The following PROS1 variants were observed in gnomAD, a reference collection of about 807,000 sequenced individuals.
PROS1 encodes protein S, also known as vitamin K-dependent protein S.
PROS1 carries 29 observed loss-of-function variants against 75.9 expected under a neutral mutation model. That is an observed-to-expected ratio of 0.38 (90% confidence interval 0.28 to 0.52). The LOEUF is 0.52. Ranked by LOEUF, PROS1 falls within the 20% of genes least tolerant of loss-of-function variation. PROS1 has a pLI of 0.83. For synonymous variants in PROS1, 245 were observed against 280.6 expected (o/e 0.87, Z 1.27); for missense variants, 680 against 810.3 (o/e 0.84, Z 1.95).
intron 4 of PROS1, among the ~76,000 whole-genome samples, chr3:93,908,687 C>T (rs1708711977): frequency 6.6e-6 from 1 of 152,170 alleles, no homozygotes; most frequent in Admixed American, 6.5e-5. Context: ...GTACAAATGG[C>T]ATCAGGTGGA....
chr3:93,927,937 A>G (rs1419292867), intron 1 of PROS1, among the ~76,000 whole-genome samples: 2 of 136,514 alleles, frequency 1.5e-5, no homozygotes, highest in African/African-American at 2.7e-5. Flanking sequence ...GTATATATAT[A>G]TGTATATATA....
chr3:93,915,226 G>C (rs1489584685), intron 3 of PROS1, among the ~76,000 whole-genome samples: 2 of 152,142 alleles, frequency 1.3e-5, no homozygotes, highest in East Asian at 3.9e-4. Flanking sequence ...CAGCTCTTTG[G>C]GAGGCTGAGG....
chr3:93,883,455 A>T (rs542031376), intron 12 of PROS1, among the ~76,000 whole-genome samples: 3 of 151,936 alleles, frequency 2.0e-5, no homozygotes, highest in Non-Finnish European at 2.9e-5. Flanking sequence ...TTAGCAGGGC[A>T]TGGTGGCGCA....
At position 93,876,971 on chromosome 3, in the gene PROS1, A is replaced by G. The variant is rs2107124933; in HGVS notation, c.1865T>C (p.Leu622Pro). The change falls in exon 14 of 15, where the codon CTT becomes CCT. Residue 622 changes from leucine (L) to proline (P), a missense_variant. By Grantham distance (98) the Leu-to-Pro change is moderately conservative. Transcript: ENST00000394236. ...KAKVATYLGGLPDVPFSATPV... is the reference protein window; with the variant it reads ...KAKVATYLGGPPDVPFSATPV... ...AAGAAAAAGTAAGCAGATACCTGGA[A>G]GGCCACCCAGGTATGTGGCCACTTT... 1 of 1,594,520 alleles carries G rather than the reference A, an allele frequency of 6.3e-7. No homozygotes were observed.
chr3:93,900,763 C>T (rs768119893), intron 7 of PROS1, 41 bp downstream of exon 7: 2 of 1,611,174 alleles, frequency 1.2e-6, no homozygotes, highest in South Asian at 1.1e-5. Context: ...GGTTCACACC[C>T]ACCCTCTCCA....
intron 1 of PROS1, among the ~76,000 whole-genome samples, chr3:93,930,634 C>T (rs1281838046): frequency 6.6e-6 from 1 of 152,178 alleles, no homozygotes. Context: ...TGTAATAACA[C>T]ATACTGTATT....
At chr3:93,906,712 G>C (rs925145509) in intron 4 of PROS1, among the ~76,000 whole-genome samples, 4 of 152,222 alleles carry the variant, frequency 2.6e-5, no homozygotes, top group African/African-American at 9.6e-5. Context: ...GGGCATCTCT[G>C]TACTCTTGAG....
At chr3:93,925,780 GC>G (rs1370683595) in intron 2 of PROS1, among the ~76,000 whole-genome samples, 2 of 145,462 alleles carry the variant, frequency 1.4e-5, no homozygotes, top group African/African-American at 2.5e-5. Context: ...CCATGATCAT[GC>G]CACTGCACTC....
rs1446117403 is a variant in PROS1 at position 93,898,646 on chromosome 3, G to C, written c.728-77C>G. ...AATCTTATAGGCAGAGGAATATTATGATTGTAGTATGATATAATCAATGAT... is the reference window on the plus strand; with the variant it reads ...AATCTTATAGGCAGAGGAATATTATCATTGTAGTATGATATAATCAATGAT... On this transcript the variant is annotated intron_variant, in intron 7 of 14. Coordinates refer to ENST00000394236, the MANE Select transcript of PROS1 (RefSeq NM_000313.4). 10 of 1,520,098 alleles carry C rather than the reference G, an allele frequency of 6.6e-6. No individual in the cohort carries two copies. The African/African-American group carries it at 6.9e-5, about 10-fold the overall frequency. 94.2% of individuals were successfully genotyped at this position (1,520,098 alleles called of 1,614,324 possible). A position where few individuals can be genotyped will look rare whatever the true frequency, so the allele number is the denominator to read the frequency against.
intron 2 of PROS1, among the ~76,000 whole-genome samples, chr3:93,924,467 A>C (rs542775061): frequency 6.6e-6 from 1 of 152,258 alleles, no homozygotes; most frequent in Non-Finnish European, 1.5e-5. Flanking sequence ...GCTTAAAGAA[A>C]TATTGATCAA....
chr3:93,905,570 A>T (rs1192350373), intron 6 of PROS1, among the ~76,000 whole-genome samples: 2 of 152,186 alleles, frequency 1.3e-5, no homozygotes, highest in Non-Finnish European at 2.9e-5. Flanking sequence ...GAGCCACTCT[A>T]CTCCAGTCTG....
rs1432369638 is a variant in PROS1 at position 93,916,744 on chromosome 3, C to A, written c.260-6039G>T. Among the ~76,000 whole-genome samples, 4 of 152,116 alleles carry A rather than the reference C, an allele frequency of 2.6e-5. No homozygotes were observed. The South Asian group carries it at 6.2e-4, about 24-fold the overall frequency. On this transcript the variant is annotated intron_variant, in intron 3 of 14. Transcript: ENST00000394236. The stretch of plus-strand genomic sequence containing the variant: ...CAGGAGAGAAAGGCTAAGAAACAGA[C>A]CCTTTCAAGAGAGGTTCTGGTGGTC...
chr3:93,973,522 C>A (rs1385606398), intron 1 of PROS1, 152 bp downstream of exon 1: 2 of 765,154 alleles, frequency 2.6e-6, no homozygotes, highest in Admixed American at 2.1e-5. Context: ...CCTGCTCTAT[C>A]CACGGCTGTT....
chr3:93,884,814 T>C lies in PROS1; in HGVS notation c.1406A>G (p.Glu469Gly), dbSNP rs779144609. 4 of 1,613,716 alleles carry C rather than the reference T, an allele frequency of 2.5e-6. No homozygotes were observed. The African/African-American group carries it at 5.3e-5, about 22-fold the overall frequency. ...AACCAGGCAATGCTTATTTTGTTTT[T>C]CTTGAATAATTTCCTTTATTCCAGA... ...GASGIKEIIQ[E>G]KQNKHCLVTV... Residue 469 changes from glutamate (E) to glycine (G), a missense_variant, in exon 12 of 15, where the codon GAA becomes GGA. Transcript: ENST00000394236.
intron 1 of PROS1, among the ~76,000 whole-genome samples, chr3:93,963,887 C>T (rs1356920069): frequency 2.0e-5 from 3 of 152,106 alleles, no homozygotes; most frequent in Non-Finnish European, 2.9e-5. Context: ...CCTCCCCTTC[C>T]GTTCCCTTTC....
chr3:93,938,516 G>A (rs886100262), intron 1 of PROS1, among the ~76,000 whole-genome samples: 7 of 152,024 alleles, frequency 4.6e-5, no homozygotes, highest in African/African-American at 1.7e-4. Context: ...CACTCCGTGA[G>A]GAGATCCACC....
At chr3:93,936,397 CT>C (rs1709184252) in intron 1 of PROS1, among the ~76,000 whole-genome samples, 1 of 151,948 alleles carries the variant, frequency 6.6e-6, no homozygotes, top group Non-Finnish European at 1.5e-5. Flanking sequence ...CATGTATCCC[CT>C]GAATCTAAAA....
At chr3:93,939,606 T>C (rs1353281890) in intron 1 of PROS1, among the ~76,000 whole-genome samples, 1 of 152,084 alleles carries the variant, frequency 6.6e-6, no homozygotes, top group Non-Finnish European at 1.5e-5. Context: ...CTTAAAGAGG[T>C]GGCTGGAGCT....
rs561055660 is a variant in PROS1, at chr3:93,896,441, A to G, written c.965+135T>C. ...AGTAAATTAACTTTAGGTTTCCCCA[A>G]GTCATCTGATTGGTAATATGACTAC... On this transcript the variant is annotated intron_variant, in intron 9 of 14. Transcript: ENST00000394236. 5.1e-5 allele frequency: 38 copies of G among 747,566 alleles called. No individual in the cohort carries two copies. The African/African-American group carries it at 5.9e-4, about 12-fold the overall frequency. 46.3% of individuals were successfully genotyped at this position (747,566 alleles called of 1,614,324 possible).
Sources: gnomAD v4.1 joint callset for allele counts (sites outside exome capture counted in the v4.1 genomes callset) on GRCh38, gnomAD v4.1.1 for gene constraint, MANE v1.5 for transcripts, NCBI Gene and HGNC (gene_info 2026-07-23, HGNC 2026-07-21) for gene names.